SRBD1: variants seen among roughly 807,000 people sequenced by gnomAD.
The protein encoded by SRBD1 is S1 RNA-binding domain-containing protein 1.
Under a neutral mutation model 115.3 loss-of-function variants are expected in SRBD1, and 88 were observed. That is an observed-to-expected ratio of 0.76 (90% CI 0.64 to 0.91). The LOEUF is 0.91. Ranked by LOEUF, SRBD1 falls within the 40% of genes least tolerant of loss-of-function variation. The pLI, the probability that SRBD1 is intolerant of heterozygous loss-of-function variation, is 0.00. For missense variants in SRBD1, 1,385 were observed against 1,177.4 expected, an observed-to-expected ratio of 1.18 and a Z score of -2.58; for synonymous variants, 509 against 407.7, an observed-to-expected ratio of 1.25 and a Z score of -2.99.
rs183476311 is a variant in SRBD1 at position 45,457,813 on chromosome 2, T to C, written c.2049+19180A>G. Among the ~76,000 whole-genome samples the C allele has an allele frequency of 2.3e-4, 35 of 152,080 alleles. 1 individual carries two copies. In the East Asian group the frequency reaches 6.4e-3, roughly 28 times the overall value. ...TGACACGTGCATTTAAACTAAAATA[T>C]TTTCAAGGACTTATGCTTTTAGAAA... On this transcript the variant is annotated intron_variant, in intron 16 of 20. Coordinates refer to ENST00000263736, the MANE Select transcript of SRBD1 (RefSeq NM_018079.5).
chr2:45,551,487 C>T (rs1672297857), intron 11 of SRBD1, among the ~76,000 whole-genome samples: 1 of 152,142 alleles, frequency 6.6e-6, no homozygotes, highest in Admixed American at 6.5e-5. Context: ...TGAAGCAAGT[C>T]TTGTAAGTTT....
chr2:45,599,805 A>C lies in SRBD1; in HGVS notation c.292T>G (p.Leu98Val). The change falls in exon 4 of 21, where the codon TTA becomes GTA. Residue 98 changes from leucine (L) to valine (V), a missense_variant. Physicochemically the swap from Leu to Val is conservative, Grantham distance 32. Coordinates refer to ENST00000263736, the MANE Select transcript of SRBD1 (RefSeq NM_018079.5). The stretch of plus-strand genomic sequence containing the variant: ...TCCAATTTATTTTTTCTGTCTTCTA[A>C]AGCAGTATCAGCAATAGCCACAGAG... ...NSSVAIADTA[L>V]EDRKNKLDTV... 6.2e-7 allele frequency: 1 copy of C among 1,613,604 alleles called. No individual in the cohort carries two copies. The highest frequency in any genetic ancestry group is 8.5e-7 in the Non-Finnish European group (1 of 1,179,962).
intron 14 of SRBD1, among the ~76,000 whole-genome samples, chr2:45,533,341 T>A (rs1015023703): frequency 2.0e-5 from 3 of 152,074 alleles, no homozygotes; most frequent in Non-Finnish European, 4.4e-5. Context: ...CACTGGACCC[T>A]ATCTACAGAG....
intron 14 of SRBD1, among the ~76,000 whole-genome samples, chr2:45,493,375 C>T (rs749176043): frequency 3.3e-5 from 5 of 152,128 alleles, no homozygotes; most frequent in Admixed American, 6.5e-5. Flanking sequence ...TAAACTACCA[C>T]GAACAGTGGG....
chr2:45,528,023 T>C (rs904069898), intron 14 of SRBD1, among the ~76,000 whole-genome samples: 9 of 151,872 alleles, frequency 5.9e-5, no homozygotes, highest in African/African-American at 9.7e-5. Flanking sequence ...TTTTGAATAA[T>C]AAAACAATGT....
At chr2:45,471,639 T>C (rs1669650443) in intron 16 of SRBD1, among the ~76,000 whole-genome samples, 1 of 152,178 alleles carries the variant, frequency 6.6e-6, no homozygotes, top group Admixed American at 6.5e-5. Flanking sequence ...TATAAAATGT[T>C]CACCTCACTG....
intron 16 of SRBD1, among the ~76,000 whole-genome samples, chr2:45,456,272 A>G (rs1669150065): frequency 1.3e-5 from 2 of 151,936 alleles, no homozygotes; most frequent in African/African-American, 4.8e-5. Context: ...CTATGTTTTA[A>G]GATGACCTTG....
chr2:45,394,324 T>C (rs752704058), intron 19 of SRBD1, among the ~76,000 whole-genome samples: 31 of 152,358 alleles, frequency 2.0e-4, no homozygotes, highest in Non-Finnish European at 3.1e-4. Flanking sequence ...TTCATGTGAA[T>C]ACTGGGCTGT....
At chr2:45,418,577 C>T in intron 17 of SRBD1, 36 bp from the exon 18 acceptor site, 2 of 1,550,366 alleles carry the variant, frequency 1.3e-6, no homozygotes, top group Non-Finnish European at 1.7e-6. Context: ...AAAAAAAGAT[C>T]TCATCTGAAA....
intron 19 of SRBD1, among the ~76,000 whole-genome samples, chr2:45,395,177 T>C (rs1558549733): frequency 6.6e-6 from 1 of 152,218 alleles, no homozygotes; most frequent in Non-Finnish European, 1.5e-5. Flanking sequence ...ACTGGCTACT[T>C]AGCGGAGTAT....
chr2:45,485,889 G>A (rs1670104745), intron 15 of SRBD1, among the ~76,000 whole-genome samples: 1 of 152,128 alleles, frequency 6.6e-6, no homozygotes, highest in Non-Finnish European at 1.5e-5. Context: ...CAAGAGTAGA[G>A]ACTCCAAGCT....
At chr2:45,468,927 G>A (rs1288866082) in intron 16 of SRBD1, among the ~76,000 whole-genome samples, 2 of 152,088 alleles carry the variant, frequency 1.3e-5, no homozygotes, top group Non-Finnish European at 2.9e-5. Flanking sequence ...CAGCCTGAAG[G>A]GTTTATGGCT....
At chr2:45,481,939 G>C (rs1220029194) in intron 15 of SRBD1, among the ~76,000 whole-genome samples, 1 of 152,110 alleles carries the variant, frequency 6.6e-6, no homozygotes, top group Non-Finnish European at 1.5e-5. Context: ...GTAGATTCAT[G>C]TTTGCCAGGA....
At position 45,592,150 on chromosome 2, in the gene SRBD1, G is replaced by A. The variant is rs563121920; in HGVS notation, c.649-6376C>T. On this transcript the variant is annotated intron_variant, in intron 4 of 20. Transcript: ENST00000263736. ...TGCTGCCATGTAAGAAGTGCCTTTT[G>A]CCTCCCACCATGATTCTGAGGCCTC... is the stretch of plus-strand genomic sequence containing the variant. 1.1e-4 allele frequency among the ~76,000 whole-genome samples: 17 copies of A among 152,014 alleles called. No individual in the cohort carries two copies. In the South Asian group the frequency reaches 3.1e-3, roughly 28 times the overall value.
At chr2:45,604,029 C>A (rs565823869) in intron 2 of SRBD1, among the ~76,000 whole-genome samples, 1 of 152,194 alleles carries the variant, frequency 6.6e-6, no homozygotes, top group Admixed American at 6.5e-5. Flanking sequence ...TACCCCAAAT[C>A]CAATCCACCA....
At chr2:45,574,552 G>C (rs978144989) in intron 8 of SRBD1, 75 bp downstream of exon 8, 1 of 1,310,214 alleles carries the variant, frequency 7.6e-7, no homozygotes. Flanking sequence ...AATGAACATT[G>C]GTATTAGCAC....
chr2:45,496,061 G>A (rs1670449481), intron 14 of SRBD1, among the ~76,000 whole-genome samples: 1 of 152,146 alleles, frequency 6.6e-6, no homozygotes, highest in African/African-American at 2.4e-5. Flanking sequence ...CTTTTCAAGT[G>A]CACCTTCATT....
At chr2:45,421,504 CTCAA>C in intron 16 of SRBD1, among the ~76,000 whole-genome samples, 1 of 26,544 alleles carries the variant, frequency 3.8e-5, no homozygotes, top group Non-Finnish European at 7.3e-5. Flanking sequence ...GAGACTCCGT[CTCAA>C]ACAAAAAAAA....
chr2:45,418,668 A>T, intron 17 of SRBD1, 127 bp from the exon 18 acceptor site: 1 of 739,040 alleles, frequency 1.4e-6, no homozygotes, highest in Non-Finnish European at 1.8e-6. Flanking sequence ...TTAATCCAAA[A>T]GGGAGTTTAA....
Sources: gnomAD v4.1 joint callset for allele counts (sites outside exome capture counted in the v4.1 genomes callset) on GRCh38, gnomAD v4.1.1 for gene constraint, MANE v1.5 for transcripts, NCBI Gene and HGNC (gene_info 2026-07-23, HGNC 2026-07-21) for gene names.